Variants in RNF166 observed in about 807,000 individuals in gnomAD.
RNF166 encodes E3 ubiquitin-protein ligase RNF166.
A neutral mutation model predicts 29.4 loss-of-function variants in RNF166; 19 were observed. The ratio of observed to expected loss-of-function variants is 0.65; its 90% CI spans 0.45 to 0.95. The LOEUF (loss-of-function observed/expected upper bound fraction) is 0.95. RNF166 is among the 40% of genes least tolerant of loss of function. RNF166 has a pLI of 0.00. For synonymous variants in RNF166, 171 were observed against 134.5 expected (o/e 1.27, Z -1.88); for missense variants, 347 against 322.1 (o/e 1.08, Z -0.59).
chr16:88,699,950 C>T lies in RNF166; in HGVS notation c.313-218G>A, dbSNP rs1910044167. ...AGCAAGTCACTGCAGGACAATCTGG[C>T]CGAGGGCAGAAACCTGGCTGGAGAA... is the stretch of plus-strand genomic sequence containing the variant. On this transcript the variant is annotated intron_variant, in intron 2 of 5. Coordinates refer to ENST00000312838, the MANE Select transcript of RNF166 (RefSeq NM_178841.4). 4 of 439,858 alleles carry T rather than the reference C, an allele frequency of 9.1e-6. No individual in the cohort carries two copies. In the South Asian group the frequency reaches 1.5e-4, roughly 16 times the overall value. The allele number at this position is 439,858 out of a possible 1,614,324, so 27.2% of individuals were successfully genotyped here.
rs934920027 is a variant in RNF166 at position 88,701,003 on chromosome 16, TCCCCTG to T, written c.312+253_312+258del. ...TACCCTGGCCACAACCCACGTGGGT[TCCCCTG>T]GCCCGGGCTAGGCGGCTCTGACAGT... is the stretch of plus-strand genomic sequence containing the variant. On this transcript the variant is annotated intron_variant, in intron 2 of 5. Transcript: ENST00000312838. The T allele has an allele frequency of 6.1e-5, 83 of 1,360,390 alleles. No homozygotes were observed. The African/African-American group carries it at 1.1e-3, about 19-fold the overall frequency. The allele number at this position is 1,360,390 out of a possible 1,614,324, so 84.3% of individuals were successfully genotyped here.
At chr16:88,705,915 C>T (rs1029650935) in intron 1 of RNF166, among the ~76,000 whole-genome samples, 4 of 152,072 alleles carry the variant, frequency 2.6e-5, no homozygotes, top group African/African-American at 4.8e-5. Context: ...GGCCGCAGGT[C>T]GCCCGGTGAA....
intron 5 of RNF166, 44 bp downstream of exon 5, chr16:88,698,458 G>T: frequency 6.9e-7 from 1 of 1,440,976 alleles, no homozygotes; most frequent in Non-Finnish European, 9.6e-7. Context: ...GAGGAGGGTG[G>T]ATGAGGAGGG....
intron 1 of RNF166, chr16:88,703,119 G>T (rs774396921): frequency 6.1e-6 from 6 of 985,422 alleles, no homozygotes; most frequent in Non-Finnish European, 7.2e-6. Context: ...CACCCGTGTC[G>T]TGGGGGTCCA....
chr16:88,699,727 G>C lies in RNF166; in HGVS notation c.318C>G (p.Thr106=). The change falls in exon 3 of 6, where the codon ACC becomes ACG. Residue 106 remains threonine (T), a synonymous_variant. Transcript: ENST00000312838. The stretch of plus-strand genomic sequence containing the variant: ...AAATGTGCACTCTCATCTTTGCCAG[G>C]GTCACCTAGGAGACAGGGCAGGGAG... ...APCRGCNKKV[T]LAKMRVHISS... 1 of 1,612,146 alleles carries C rather than the reference G, an allele frequency of 6.2e-7. No homozygotes were observed. Among genetic ancestry groups the C allele is most frequent in the Non-Finnish European group, 8.5e-7 (1 of 1,179,220 alleles).
intron 1 of RNF166, chr16:88,703,941 T>A (rs542640349): frequency 3.0e-6 from 3 of 985,450 alleles, no homozygotes; most frequent in South Asian, 9.4e-5. Context: ...TCCAGGCAGG[T>A]TCGTGATCAC....
intron 2 of RNF166, 46 bp from the exon 3 acceptor site, chr16:88,699,778 A>G (rs952320333): frequency 6.8e-7 from 1 of 1,477,774 alleles, no homozygotes; most frequent in Non-Finnish European, 9.4e-7. Flanking sequence ...AGAATCTGGA[A>G]GGGCCGTCCT....
intron 1 of RNF166, chr16:88,704,364 C>T (rs1197575445): frequency 3.0e-6 from 3 of 985,242 alleles, no homozygotes; most frequent in African/African-American, 1.7e-5. Context: ...CTTGCAGGAC[C>T]CGCGGTGAGA....
chr16:88,702,141 T>A (rs1321334548), intron 1 of RNF166, among the ~76,000 whole-genome samples: 2 of 9,686 alleles, frequency 2.1e-4, no homozygotes, highest in Admixed American at 8.3e-4. Context: ...GGGGCTTCCT[T>A]GGGCTCGCAC....
chr16:88,700,004 C>T (rs1426010511), intron 2 of RNF166: 2 of 283,152 alleles, frequency 7.1e-6, no homozygotes, highest in East Asian at 1.3e-4. Context: ...AAGGAGATCT[C>T]TGGCGCCTGC....
chr16:88,700,924 C>G, intron 2 of RNF166: 1 of 1,165,648 alleles, frequency 8.6e-7, no homozygotes, highest in Non-Finnish European at 1.1e-6. Context: ...TCCCCGGTAT[C>G]GGCTGGCAGG....
chr16:88,703,793 G>A, intron 1 of RNF166: 1 of 985,492 alleles, frequency 1.0e-6, no homozygotes, highest in Non-Finnish European at 1.2e-6. Flanking sequence ...GACTGCCAAT[G>A]TGTCTCCCAC....
At chr16:88,703,525 G>A (rs1296254998) in intron 1 of RNF166, 6 of 985,428 alleles carry the variant, frequency 6.1e-6, no homozygotes, top group East Asian at 1.1e-4. Context: ...CGAGGAGCAG[G>A]AGGCAGAACG....
chr16:88,700,988 AC>A, intron 2 of RNF166: 3 of 1,337,906 alleles, frequency 2.2e-6, no homozygotes, highest in Non-Finnish European at 2.9e-6. Context: ...TACCCTGGCC[AC>A]AACCCACGTG....
At chr16:88,703,317 C>G (rs1477447406) in intron 1 of RNF166, 1 of 985,358 alleles carries the variant, frequency 1.0e-6, no homozygotes, top group Non-Finnish European at 1.2e-6. Flanking sequence ...GAACCCTGAG[C>G]TGCCAGAGAC....
chr16:88,706,187 C>A lies in RNF166; in HGVS notation c.139G>T (p.Gly47Cys). Residue 47 changes from glycine to cysteine, a missense_variant, in exon 1 of 6, where the codon GGC becomes TGC. Transcript: ENST00000312838. ...CGCGCTCACGTGTGGCCGCAGCTGC[C>A]GATGGCCACGGGCCGGTGATAGACC... ...LEVYHRPVAI[G>C]SCGHTFCGEC... 1 of 1,282,574 alleles carries A rather than the reference C, an allele frequency of 7.8e-7. No homozygotes were observed. The highest frequency in any genetic ancestry group is 1.6e-5 in the African/African-American group (1 of 63,414). The allele number at this position is 1,282,574 out of a possible 1,614,324, so 79.4% of individuals were successfully genotyped here.
In RNF166 at chr16:88,699,895, G is replaced by A. The variant is rs541189279; in HGVS notation, c.313-163C>T. ...CCTTCTGCTGCTAAAACAATCTCAG[G>A]CACTGAGCAGCCACTACTCCATGGC... On this transcript the variant is annotated intron_variant, in intron 2 of 5. Coordinates refer to ENST00000312838, the MANE Select transcript of RNF166 (RefSeq NM_178841.4). 8.0e-5 allele frequency: 44 copies of A among 552,144 alleles called. No homozygotes were observed. In the South Asian group the frequency reaches 1.0e-3, roughly 13 times the overall value. 34.2% of individuals were successfully genotyped at this position (552,144 alleles called of 1,614,324 possible). A position where few individuals can be genotyped will look rare whatever the true frequency, so the allele number is the denominator to read the frequency against.
rs555361522 is a variant in RNF166 at position 88,697,464 on chromosome 16, T to C, written c.*104A>G. ...CTTCTGCGCGGGTGCAGGCTCCTCCTGTGAGCTCAGTCCGGTGAGGTGCGC... is the reference window on the plus strand; with the variant it reads ...CTTCTGCGCGGGTGCAGGCTCCTCCCGTGAGCTCAGTCCGGTGAGGTGCGC... On this transcript the variant is annotated 3_prime_UTR_variant, in exon 6 of 6. Transcript: ENST00000312838. 2.4e-6 allele frequency: 2 copies of C among 840,336 alleles called. No individual in the cohort carries two copies. Among genetic ancestry groups the C allele is most frequent in the Admixed American group, 2.3e-5 (1 of 43,980 alleles). 52.1% of individuals were successfully genotyped at this position (840,336 alleles called of 1,614,324 possible).
intron 3 of RNF166, 55 bp downstream of exon 3, chr16:88,699,565 A>C (rs1372239283): frequency 2.1e-6 from 3 of 1,426,756 alleles, no homozygotes; most frequent in Non-Finnish European, 2.9e-6. Context: ...GCTTGCTCCC[A>C]GAACGAGGAA....
Sources: gnomAD v4.1 joint callset for allele counts (sites outside exome capture counted in the v4.1 genomes callset) on GRCh38, gnomAD v4.1.1 for gene constraint, MANE v1.5 for transcripts, NCBI Gene and HGNC (gene_info 2026-07-23, HGNC 2026-07-21) for gene names.